The following PHACTR3 variants were observed in gnomAD, a reference collection of about 807,000 sequenced individuals.
PHACTR3 encodes the protein phosphatase and actin regulator 3, also known as protein phosphatase 1, regulatory subunit 123.
In PHACTR3, 16 loss-of-function variants were observed where a neutral mutation model predicts 66.8. The ratio of observed to expected loss-of-function variants is 0.24; its 90% CI spans 0.16 to 0.36. PHACTR3 has a LOEUF of 0.36. Among genes scored for constraint, PHACTR3 ranks in the 10% least tolerant of loss-of-function variants. PHACTR3 has a pLI of 1.00. For missense variants in PHACTR3, 647 were observed against 719.9 expected (o/e 0.90, Z 1.16); for synonymous variants, 323 against 292.1 (o/e 1.11, Z -1.08).
At chr20:59,662,519 A>G (rs913670590) in intron 1 of PHACTR3, among the ~76,000 whole-genome samples, 1 of 152,178 alleles carries the variant, frequency 6.6e-6, no homozygotes, top group African/African-American at 2.4e-5. Context: ...AGGGGGAAGC[A>G]TGCACGTTGC....
chr20:59,692,590 C>T (rs1274736827), intron 1 of PHACTR3, among the ~76,000 whole-genome samples: 1 of 152,196 alleles, frequency 6.6e-6, no homozygotes, highest in Non-Finnish European at 1.5e-5. Context: ...GTTAACCCTT[C>T]AGGCTTCAAA....
At chr20:59,703,949 T>C (rs1205715410) in intron 1 of PHACTR3, among the ~76,000 whole-genome samples, 1 of 152,212 alleles carries the variant, frequency 6.6e-6, no homozygotes, top group African/African-American at 2.4e-5. Context: ...ACATGATTTC[T>C]AAATAGTGGG....
At chr20:59,706,834 C>G (rs1005616665) in intron 1 of PHACTR3, among the ~76,000 whole-genome samples, 1 of 152,106 alleles carries the variant, frequency 6.6e-6, no homozygotes, top group Non-Finnish European at 1.5e-5. Context: ...GGGGTCTGGG[C>G]TCTTGGTTCT....
At chr20:59,670,599 CG>C (rs2036154688) in intron 1 of PHACTR3, among the ~76,000 whole-genome samples, 2 of 14,334 alleles carry the variant, frequency 1.4e-4, no homozygotes, top group Non-Finnish European at 3.0e-4. Flanking sequence ...AGGCATCTGC[CG>C]GGGGTGGGGG....
upstream of PHACTR3, among the ~76,000 whole-genome samples, chr20:59,602,623 C>T (rs371841053): frequency 6.6e-6 from 1 of 152,212 alleles, no homozygotes; most frequent in South Asian, 2.1e-4. Flanking sequence ...TCTCCTCCCC[C>T]CCACCTATAG....
At chr20:59,607,499 G>A (rs1470602310) in intron 1 of PHACTR3, among the ~76,000 whole-genome samples, 1 of 152,178 alleles carries the variant, frequency 6.6e-6, no homozygotes, top group Non-Finnish European at 1.5e-5. Flanking sequence ...TTTAATGAAA[G>A]AGTCCAAGGT....
intron 1 of PHACTR3, among the ~76,000 whole-genome samples, chr20:59,649,344 T>A (rs1237314094): frequency 6.6e-6 from 1 of 152,260 alleles, no homozygotes; most frequent in African/African-American, 2.4e-5. Context: ...CTTTAAAGCA[T>A]GTGTCTTAAT....
intron 1 of PHACTR3, among the ~76,000 whole-genome samples, chr20:59,624,903 C>A (rs1018331308): frequency 6.6e-6 from 1 of 152,134 alleles, no homozygotes; most frequent in Non-Finnish European, 1.5e-5. Context: ...ATTATTAACT[C>A]AAGTTCATAC....
chr20:59,733,684 T>C (rs754077509), intron 1 of PHACTR3, among the ~76,000 whole-genome samples: 46 of 152,334 alleles, frequency 3.0e-4, no homozygotes, highest in Non-Finnish European at 5.4e-4. Context: ...CTCCACTCTG[T>C]CGCTAACTAG....
intron 1 of PHACTR3, among the ~76,000 whole-genome samples, chr20:59,735,369 GA>G (rs34759106): frequency 1.3e-5 from 2 of 152,122 alleles, no homozygotes; most frequent in African/African-American, 4.8e-5. Flanking sequence ...AACAAACAAG[GA>G]AAAAATTATT....
intron 1 of PHACTR3, among the ~76,000 whole-genome samples, chr20:59,733,895 A>T (rs568371541): frequency 1.3e-5 from 2 of 152,212 alleles, no homozygotes; most frequent in South Asian, 4.2e-4. Flanking sequence ...GATGACAAAA[A>T]CAAACCTTCG....
chr20:59,774,216 A>C (rs1203451195), intron 6 of PHACTR3, 27 bp from the exon 7 acceptor site: 1 of 1,552,390 alleles, frequency 6.4e-7, no homozygotes. Flanking sequence ...GGGGTGACCT[A>C]TAACCTGAAC....
At chr20:59,804,939 T>G (rs900473776) in intron 7 of PHACTR3, among the ~76,000 whole-genome samples, 1 of 152,176 alleles carries the variant, frequency 6.6e-6, no homozygotes. Flanking sequence ...AGTGATCATA[T>G]TGGATAACAA....
chr20:59,662,337 C>A (rs943704272), intron 1 of PHACTR3, among the ~76,000 whole-genome samples: 1 of 152,050 alleles, frequency 6.6e-6, no homozygotes, highest in Non-Finnish European at 1.5e-5. Context: ...GAGGCGGATT[C>A]TATGAGGAAG....
chr20:59,768,872 T>TG (rs2146875396), intron 5 of PHACTR3, among the ~76,000 whole-genome samples: 1 of 152,336 alleles, frequency 6.6e-6, no homozygotes, highest in East Asian at 1.9e-4. Flanking sequence ...GGAGGTGAGA[T>TG]GCACCCCACA....
At chr20:59,777,986 C>G (rs2040596020) in intron 7 of PHACTR3, among the ~76,000 whole-genome samples, 1 of 152,148 alleles carries the variant, frequency 6.6e-6, no homozygotes, top group African/African-American at 2.4e-5. Context: ...TGTGCTGGGA[C>G]TCTTCTCCAT....
At chr20:59,818,566 C>A (rs886760258) in intron 8 of PHACTR3, among the ~76,000 whole-genome samples, 1 of 152,170 alleles carries the variant, frequency 6.6e-6, no homozygotes, top group Non-Finnish European at 1.5e-5. Flanking sequence ...TTCCTCACTC[C>A]AAAAAGAAGC....
chr20:59,713,000 A>G (rs2037960557), intron 1 of PHACTR3, among the ~76,000 whole-genome samples: 1 of 152,250 alleles, frequency 6.6e-6, no homozygotes, highest in African/African-American at 2.4e-5. Context: ...CATTCCGTTG[A>G]GATATGAAAT....
chr20:59,701,792 C>G (rs1014271768), intron 1 of PHACTR3, among the ~76,000 whole-genome samples: 12 of 152,212 alleles, frequency 7.9e-5, no homozygotes, highest in African/African-American at 2.9e-4. Context: ...CGGGTTTTGA[C>G]AAATGCATAA....
Sources: allele counts gnomAD v4.1 joint callset (sites outside exome capture counted in the v4.1 genomes callset), GRCh38; gene constraint gnomAD v4.1.1; transcripts MANE v1.5; gene names NCBI Gene and HGNC (gene_info 2026-07-23, HGNC 2026-07-21).